The following MOB1B variants were observed in gnomAD, a reference collection of about 807,000 sequenced individuals.
MOB1B encodes MOB kinase activator 1B.
In MOB1B, 19 loss-of-function variants were observed where a neutral mutation model predicts 24.4. The observed-to-expected ratio is 0.78, with a 90% CI of 0.54 to 1.14. The LOEUF (loss-of-function observed/expected upper bound fraction) is 1.14. MOB1B is among the 50% of genes most tolerant of loss of function. The probability of loss-of-function intolerance (pLI) is 0.00; values close to 1 mark genes in which losing one functional copy is unlikely to be tolerated. For missense variants in MOB1B, 243 were observed against 259.6 expected, an observed-to-expected ratio of 0.94 and a Z score of 0.44; for synonymous variants, 76 against 82.1, an observed-to-expected ratio of 0.93 and a Z score of 0.40.
At chr4:70,976,210 T>G (rs1560666840) in intron 4 of MOB1B, 1 of 984,882 alleles carries the variant, frequency 1.0e-6, no homozygotes. Flanking sequence ...GATCAGTATA[T>G]CTAGGATAGT....
At position 70,914,488 on chromosome 4, in the gene MOB1B, A is replaced by T. The variant is rs1281026555; in HGVS notation, c.14+11938A>T. Among the ~76,000 whole-genome samples the T allele has an allele frequency of 2.0e-5, 3 of 152,248 alleles. No homozygotes were observed. In the East Asian group the frequency reaches 5.8e-4, roughly 29 times the overall value. Reference sequence around the variant, plus strand: ...ACGTTGGTTCTGCTCAGTGGAGAACAGTATTTAGAAACCAAAATCTAGGTG... The same window carrying T: ...ACGTTGGTTCTGCTCAGTGGAGAACTGTATTTAGAAACCAAAATCTAGGTG... On this transcript the variant is annotated intron_variant, in intron 1 of 5. Transcript: ENST00000309395.
At chr4:70,968,040 T>C (rs1738606893) in intron 2 of MOB1B, among the ~76,000 whole-genome samples, 1 of 152,108 alleles carries the variant, frequency 6.6e-6, no homozygotes, top group Non-Finnish European at 1.5e-5. Flanking sequence ...AGTGATGGGA[T>C]TTTACTGTGT....
At chr4:70,937,193 C>T (rs1737120275) in intron 1 of MOB1B, among the ~76,000 whole-genome samples, 1 of 152,178 alleles carries the variant, frequency 6.6e-6, no homozygotes, top group Admixed American at 6.5e-5. Context: ...GCTGGGATTA[C>T]AGGCGTGAGC....
chr4:70,907,547 A>G (rs1035053187), intron 1 of MOB1B, among the ~76,000 whole-genome samples: 4 of 152,158 alleles, frequency 2.6e-5, no homozygotes, highest in Non-Finnish European at 5.9e-5. Context: ...AGACAGGGTC[A>G]CCGAGGACGG....
chr4:70,914,099 A>AAT (rs1266283072), intron 1 of MOB1B, among the ~76,000 whole-genome samples: 2 of 152,292 alleles, frequency 1.3e-5, no homozygotes, highest in Non-Finnish European at 2.9e-5. Flanking sequence ...TGCCTGAGGG[A>AAT]ACATGTTAGC....
At chr4:70,969,072 C>T (rs1346162148) in intron 2 of MOB1B, among the ~76,000 whole-genome samples, 1 of 152,160 alleles carries the variant, frequency 6.6e-6, no homozygotes, top group Non-Finnish European at 1.5e-5. Context: ...CTAGGTCTCT[C>T]TTCTGTTCCA....
chr4:70,980,951 C>T (rs976086082), intron 5 of MOB1B, among the ~76,000 whole-genome samples: 1 of 152,170 alleles, frequency 6.6e-6, no homozygotes, highest in Non-Finnish European at 1.5e-5. Flanking sequence ...TTTCTGAGGG[C>T]TAGGCACCTG....
intron 3 of MOB1B, among the ~76,000 whole-genome samples, chr4:70,974,393 C>T (rs1321930453): frequency 6.6e-6 from 1 of 152,120 alleles, no homozygotes; most frequent in African/African-American, 2.4e-5. Context: ...TGTGAGCCAC[C>T]GTGCCCGGCC....
At chr4:70,967,278 C>T (rs1443414306) in intron 2 of MOB1B, among the ~76,000 whole-genome samples, 3 of 152,090 alleles carry the variant, frequency 2.0e-5, no homozygotes, top group Admixed American at 1.3e-4. Context: ...GGACTACGGG[C>T]GCATGCTGCC....
At chr4:70,948,025 A>G (rs1212529432) in intron 1 of MOB1B, among the ~76,000 whole-genome samples, 6 of 152,162 alleles carry the variant, frequency 3.9e-5, no homozygotes, top group Admixed American at 3.3e-4. Flanking sequence ...ATTTTCTTCT[A>G]TGTTTTCTTC....
chr4:70,925,350 T>C (rs1459321555), intron 1 of MOB1B, among the ~76,000 whole-genome samples: 1 of 152,212 alleles, frequency 6.6e-6, no homozygotes, highest in African/African-American at 2.4e-5. Context: ...TTTATTGATT[T>C]TAGCTTTCTT....
intron 2 of MOB1B, 35 bp downstream of exon 2, chr4:70,959,075 A>G (rs746832288): frequency 6.3e-7 from 1 of 1,582,838 alleles, no homozygotes; most frequent in South Asian, 1.1e-5. Context: ...TAGCCTGTGA[A>G]TTAGGGTAAT....
intron 1 of MOB1B, among the ~76,000 whole-genome samples, chr4:70,937,764 C>G (rs1207483412): frequency 6.6e-6 from 1 of 151,738 alleles, no homozygotes; most frequent in African/African-American, 2.4e-5. Context: ...GACCTCAGGC[C>G]GTCTGCCTGG....
In MOB1B at chr4:70,983,551, T is replaced by C. The variant is rs1302012372; in HGVS notation, c.*1494T>C. On this transcript the variant is annotated 3_prime_UTR_variant, in exon 6 of 6. Transcript: ENST00000309395. ...TTAGTTTTGTCATTTTCGATAAATCTTTCTTCAGTTAGAAATATATATCCT... is the reference window on the plus strand; with the variant it reads ...TTAGTTTTGTCATTTTCGATAAATCCTTCTTCAGTTAGAAATATATATCCT... 1 of 152,438 alleles carries C rather than the reference T, an allele frequency of 6.6e-6. No homozygotes were observed. Among genetic ancestry groups the C allele is most frequent in the East Asian group, 1.9e-4 (1 of 5,202 alleles). 9.4% of individuals were successfully genotyped at this position (152,438 alleles called of 1,614,324 possible). A position where few individuals can be genotyped will look rare whatever the true frequency, so the allele number is the denominator to read the frequency against.
At position 70,987,836 on chromosome 4, in the gene MOB1B, T is replaced by C. The variant is rs1739427984; in HGVS notation, c.*5779T>C. On this transcript the variant is annotated 3_prime_UTR_variant, in exon 6 of 6. Coordinates refer to ENST00000309395, the MANE Select transcript of MOB1B (RefSeq NM_173468.4). ...GCATAAAGACAGGGAACTACTCTCA[T>C]GGAGACAGTTTCTCTCTTATAATCA... The C allele has an allele frequency of 6.6e-6, 1 of 152,586 alleles. No individual in the cohort carries two copies. The highest frequency in any genetic ancestry group is 1.9e-4 in the East Asian group (1 of 5,202). 9.5% of individuals were successfully genotyped at this position (152,586 alleles called of 1,614,324 possible). A position where few individuals can be genotyped will look rare whatever the true frequency, so the allele number is the denominator to read the frequency against.
chr4:70,979,439 A>C, intron 5 of MOB1B, 148 bp downstream of exon 5: 1 of 576,958 alleles, frequency 1.7e-6, no homozygotes, highest in Non-Finnish European at 2.9e-6. Flanking sequence ...GATGATAAGG[A>C]CTGACTTTTT....
intron 5 of MOB1B, among the ~76,000 whole-genome samples, chr4:70,979,873 C>T (rs1739135109): frequency 6.6e-6 from 1 of 152,056 alleles, no homozygotes; most frequent in Non-Finnish European, 1.5e-5. Flanking sequence ...AATAACTGGC[C>T]TTAGAAATGC....
chr4:70,988,011 A>G lies in MOB1B; in HGVS notation c.*5954A>G, dbSNP rs1351054303. ...TAAAAAGGGATACTGATGTCAGAAA[A>G]TCTGTAATATGTTTTATTCAAAAGA... is the stretch of plus-strand genomic sequence containing the variant. On this transcript the variant is annotated 3_prime_UTR_variant, in exon 6 of 6. Transcript: ENST00000309395. 1 of 152,514 alleles carries G rather than the reference A, an allele frequency of 6.6e-6. No individual in the cohort carries two copies. Among genetic ancestry groups the G allele is most frequent in the Non-Finnish European group, 1.5e-5 (1 of 68,012 alleles). The allele number at this position is 152,514 out of a possible 1,614,324, so 9.4% of individuals were successfully genotyped here.
rs548793152 is a variant in MOB1B, at chr4:70,972,154, C to A, written c.275+2130C>A. Among the ~76,000 whole-genome samples the A allele has an allele frequency of 6.8e-4, 103 of 152,112 alleles. 1 individual carries two copies. The highest frequency in any genetic ancestry group is 1.3e-3 in the Non-Finnish European group (89 of 68,024). On this transcript the variant is annotated intron_variant, in intron 3 of 5. Transcript: ENST00000309395. ...TTAATACTTAATAAATGCTAAGCCCCTTGCAAAGTGGTATTGAATGATGGC... is the reference window on the plus strand; with the variant it reads ...TTAATACTTAATAAATGCTAAGCCCATTGCAAAGTGGTATTGAATGATGGC...
Sources: allele counts gnomAD v4.1 joint callset (sites outside exome capture counted in the v4.1 genomes callset), GRCh38; gene constraint gnomAD v4.1.1; transcripts MANE v1.5; gene names NCBI Gene and HGNC (gene_info 2026-07-23, HGNC 2026-07-21).